Variants in CACNA2D4 observed in about 807,000 individuals in gnomAD.
CACNA2D4 encodes voltage-dependent calcium channel subunit alpha-2/delta-4.
Under a neutral mutation model 163.8 loss-of-function variants are expected in CACNA2D4, and 157 were observed. The observed-to-expected ratio is 0.96, with a 90% CI of 0.84 to 1.09. The LOEUF (loss-of-function observed/expected upper bound fraction) is 1.09, where lower values mean the gene tolerates loss of function less well. Among genes scored for constraint, CACNA2D4 ranks in the 50% least tolerant of loss-of-function variants. The pLI, the probability that CACNA2D4 is intolerant of heterozygous loss-of-function variation, is 0.00. For synonymous variants in CACNA2D4, 598 were observed against 586.9 expected (o/e 1.02, Z -0.27); for missense variants, 1,410 against 1,479.9 (o/e 0.95, Z 0.78).
Position 1,874,937 on chromosome 12 carries a change from C to G in CACNA2D4, c.1807-262G>C, listed in dbSNP as rs1865852854. Among the ~76,000 whole-genome samples, 1 of 152,198 alleles carries G rather than the reference C, an allele frequency of 6.6e-6. No individual in the cohort carries two copies. Among genetic ancestry groups the G allele is most frequent in the African/African-American group, 2.4e-5 (1 of 41,440 alleles). On this transcript the variant is annotated intron_variant, in intron 17 of 37. Transcript: ENST00000382722. The surrounding 1 kb of genome is among the most constrained non-coding windows in gnomAD (Gnocchi z 4.4). ...TGCCAAGTTGCTGGGACATAATTTCCTCTAGGACGAGATATTGCAATCAAA... is the reference window on the plus strand; with the variant it reads ...TGCCAAGTTGCTGGGACATAATTTCGTCTAGGACGAGATATTGCAATCAAA...
At chr12:1,908,096 G>A (rs1866711781) in intron 4 of CACNA2D4, 59 bp from the exon 5 acceptor site, 5 of 1,541,328 alleles carry the variant, frequency 3.2e-6, no homozygotes, top group Admixed American at 3.5e-5. Context: ...GGCGGAGAGA[G>A]AGGAAGAGAA....
chr12:1,907,613 C>A (rs1270092137), intron 5 of CACNA2D4, 42 bp from the exon 6 acceptor site: 2 of 1,585,894 alleles, frequency 1.3e-6, no homozygotes, highest in Admixed American at 1.7e-5. Context: ...TAGAACTTCT[C>A]AGGAAAATGG....
Position 1,828,801 on chromosome 12 carries a change from C to A in CACNA2D4, c.2551+11938G>T, listed in dbSNP as rs1260617500. The stretch of plus-strand genomic sequence containing the variant: ...CCCTCCTGCATATAGGCAGACTGAG[C>A]CGTCCATTTACCAAAAAGGGGAGGA... On this transcript the variant is annotated intron_variant, in intron 26 of 37. Transcript: ENST00000382722. This position sits in a 1 kb window ranked among gnomAD's most constrained non-coding sequence, Gnocchi z 4.2. 6.6e-6 allele frequency among the ~76,000 whole-genome samples: 1 copy of A among 152,284 alleles called. No individual in the cohort carries two copies. The highest frequency in any genetic ancestry group is 2.4e-5 in the African/African-American group (1 of 41,562).
chr12:1,816,911 A>G (rs982518971), intron 26 of CACNA2D4, among the ~76,000 whole-genome samples: 4 of 152,246 alleles, frequency 2.6e-5, no homozygotes, highest in African/African-American at 7.2e-5. Context: ...ATGCACATGC[A>G]CACATACGTA....
In CACNA2D4 at chr12:1,854,033, G is replaced by A. The variant is rs1434973558; in HGVS notation, c.2164C>T (p.Leu722=). 2 of 1,609,584 alleles carry A rather than the reference G, an allele frequency of 1.2e-6. No homozygotes were observed. Among genetic ancestry groups the A allele is most frequent in the Non-Finnish European group, 1.7e-6 (2 of 1,177,548 alleles). Residue 722 remains leucine, a synonymous_variant, in exon 23 of 38, where the codon CTG becomes TTG. Transcript: ENST00000382722. ...KDPDLECDEE[L]VREVLFDAVV... ...GCGTCAAACAGCACCTCCCGGACCA[G>A]CTCCTCGTCACCTGGGTGCAAAACA... is the stretch of plus-strand genomic sequence containing the variant.
chr12:1,887,704 T>C (rs1032397089), intron 6 of CACNA2D4, among the ~76,000 whole-genome samples: 2 of 152,152 alleles, frequency 1.3e-5, no homozygotes, highest in African/African-American at 2.4e-5. Context: ...AATAAAAAAA[T>C]TTGTATAGAT....
At position 1,799,949 on chromosome 12, in the gene CACNA2D4, C is replaced by T. The variant is rs1328174878; in HGVS notation, c.2974+51G>A. On this transcript the variant is annotated intron_variant, in intron 33 of 37. Coordinates refer to ENST00000382722, the MANE Select transcript of CACNA2D4 (RefSeq NM_172364.5). The surrounding 1 kb of genome is among the most constrained non-coding windows in gnomAD (Gnocchi z 4.7). The stretch of plus-strand genomic sequence containing the variant: ...CAGGGAATGGTCTCACGTTAGTGGA[C>T]CAAAATGCCACTGCTCTTCAGCACA... The T allele has an allele frequency of 6.4e-7, 1 of 1,568,248 alleles. No individual in the cohort carries two copies. The highest frequency in any genetic ancestry group is 8.7e-7 in the Non-Finnish European group (1 of 1,154,344).
rs1049301938 is a variant in CACNA2D4 at position 1,844,251 on chromosome 12, G to T, written c.2470+151C>A. On this transcript the variant is annotated intron_variant, in intron 25 of 37. Coordinates refer to ENST00000382722, the MANE Select transcript of CACNA2D4 (RefSeq NM_172364.5). The surrounding 1 kb of genome is among the most constrained non-coding windows in gnomAD (Gnocchi z 4.2). Reference sequence around the variant, plus strand: ...CAATGAGCTTTTTTAAGTCACTAATGCATGCAGGAGGGAAGGCAGGAGGGG... The same window carrying T: ...CAATGAGCTTTTTTAAGTCACTAATTCATGCAGGAGGGAAGGCAGGAGGGG... 4 of 839,776 alleles carry T rather than the reference G, an allele frequency of 4.8e-6. No homozygotes were observed. Among genetic ancestry groups the T allele is most frequent in the Non-Finnish European group, 7.1e-6 (4 of 559,826 alleles). The allele number at this position is 839,776 out of a possible 1,614,324, so 52.0% of individuals were successfully genotyped here. A position where few individuals can be genotyped will look rare whatever the true frequency, so the allele number is the denominator to read the frequency against.
Position 1,834,660 on chromosome 12 carries a change from C to A in CACNA2D4, c.2551+6079G>T, listed in dbSNP as rs188652921. On this transcript the variant is annotated intron_variant, in intron 26 of 37. Coordinates refer to ENST00000382722, the MANE Select transcript of CACNA2D4 (RefSeq NM_172364.5). The surrounding 1 kb of genome is among the most constrained non-coding windows in gnomAD (Gnocchi z 7.6). ...CACCGGGAGCTCAAAAAGCGCCAGC[C>A]CCTGATGGGGGACCCCGAGGGCGAG... 1.2e-6 allele frequency: 2 copies of A among 1,601,548 alleles called. No individual in the cohort carries two copies. Among genetic ancestry groups the A allele is most frequent in the African/African-American group, 2.7e-5 (2 of 75,050 alleles).
chr12:1,822,473 G>T (rs956827401), intron 26 of CACNA2D4, among the ~76,000 whole-genome samples: 4 of 145,974 alleles, frequency 2.7e-5, no homozygotes, highest in African/African-American at 7.6e-5. Flanking sequence ...CAGCCCCAGG[G>T]ACACCACCCT....
Position 1,828,598 on chromosome 12 carries a change from C to T in CACNA2D4, c.2551+12141G>A, listed in dbSNP as rs975586903. Among the ~76,000 whole-genome samples the T allele has an allele frequency of 2.0e-4, 31 of 152,194 alleles. No homozygotes were observed. The highest frequency in any genetic ancestry group is 3.5e-4 in the Non-Finnish European group (24 of 68,028). The stretch of plus-strand genomic sequence containing the variant: ...GCTTGTCGGCCTGTGTCACAGACTG[C>T]GGCGAGCCCTTTTGCTCCCGTGGGG... On this transcript the variant is annotated intron_variant, in intron 26 of 37. Coordinates refer to ENST00000382722, the MANE Select transcript of CACNA2D4 (RefSeq NM_172364.5). This position sits in a 1 kb window ranked among gnomAD's most constrained non-coding sequence, Gnocchi z 4.2.
At chr12:1,858,852 TC>T (rs1292331188) in intron 19 of CACNA2D4, among the ~76,000 whole-genome samples, 2 of 152,150 alleles carry the variant, frequency 1.3e-5, no homozygotes, top group Non-Finnish European at 2.9e-5. Flanking sequence ...CCAGAAGCCT[TC>T]CTTCCTAAGC....
intron 18 of CACNA2D4, among the ~76,000 whole-genome samples, chr12:1,861,322 G>A (rs754465509): frequency 7.9e-5 from 12 of 152,184 alleles, no homozygotes; most frequent in Non-Finnish European, 1.2e-4. Flanking sequence ...CCTCTCTGTA[G>A]CTTCTCTCTA....
intron 3 of CACNA2D4, 51 bp downstream of exon 3, chr12:1,912,972 T>A: frequency 8.4e-7 from 1 of 1,193,946 alleles, no homozygotes; most frequent in South Asian, 1.3e-5. Flanking sequence ...CTCTGCCACC[T>A]GCGTCATGGG....
At position 1,843,384 on chromosome 12, in the gene CACNA2D4, G is replaced by A. The variant is rs554227443; in HGVS notation, c.2470+1018C>T. ...GGTGGAAGGCCTTTGGCAGAAGGGC[G>A]TCCTAAAGGGGAAGTTCTGAGTGAC... On this transcript the variant is annotated intron_variant, in intron 25 of 37. Coordinates refer to ENST00000382722, the MANE Select transcript of CACNA2D4 (RefSeq NM_172364.5). The surrounding 1 kb of genome is among the most constrained non-coding windows in gnomAD (Gnocchi z 4.6). Among the ~76,000 whole-genome samples the A allele has an allele frequency of 5.3e-5, 8 of 152,178 alleles. No homozygotes were observed. Among genetic ancestry groups the A allele is most frequent in the African/African-American group, 1.4e-4 (6 of 41,434 alleles).
At chr12:1,835,876 G>A (rs11061995) in intron 26 of CACNA2D4, 20,389 of 152,502 alleles carry the variant, frequency 0.13, 1,637 homozygotes, top group Non-Finnish European at 0.17. Flanking sequence ...TGTGCCTCTC[G>A]CCCTCCATCT....
At chr12:1,801,736 C>T (rs972025570) in intron 29 of CACNA2D4, 92 bp from the exon 30 acceptor site, 4 of 890,488 alleles carry the variant, frequency 4.5e-6, no homozygotes, top group Admixed American at 2.8e-5. Context: ...CAGCTCAGGT[C>T]GAGGCTTTTG....
intron 22 of CACNA2D4, 138 bp downstream of exon 22, chr12:1,855,874 G>T: frequency 1.5e-6 from 1 of 656,126 alleles, no homozygotes; most frequent in Non-Finnish European, 2.7e-6. Context: ...GAATCTCCCT[G>T]TTTGATCTAA....
At chr12:1,840,694 C>T in intron 26 of CACNA2D4, 45 bp downstream of exon 26, 1 of 1,527,240 alleles carries the variant, frequency 6.5e-7, no homozygotes, top group Non-Finnish European at 9.1e-7. Context: ...GCTCTTTACA[C>T]TGTCCCCAGC....
Sources: allele counts gnomAD v4.1 joint callset (sites outside exome capture counted in the v4.1 genomes callset), GRCh38; gene constraint gnomAD v4.1.1; non-coding constraint Gnocchi (gnomAD v3.1); transcripts MANE v1.5; gene names NCBI Gene and HGNC (gene_info 2026-07-23, HGNC 2026-07-21).